ROBO2: variants seen among roughly 807,000 people sequenced by gnomAD.
The protein encoded by ROBO2 is roundabout homolog 2.
Under a neutral mutation model 160.8 loss-of-function variants are expected in ROBO2, and 53 were observed. That is an observed-to-expected ratio of 0.33 (90% confidence interval 0.26 to 0.41). The LOEUF (loss-of-function observed/expected upper bound fraction) is 0.41, where lower values mean the gene tolerates loss of function less well. Among genes scored for constraint, ROBO2 ranks in the 10% least tolerant of loss-of-function variants. The pLI, the probability that ROBO2 is intolerant of heterozygous loss-of-function variation, is 1.00. For missense variants in ROBO2, 1,577 were observed against 1,722.4 expected, an observed-to-expected ratio of 0.92 and a Z score of 1.49; for synonymous variants, 664 against 611.7, an observed-to-expected ratio of 1.09 and a Z score of -1.26.
intron 2 of ROBO2, among the ~76,000 whole-genome samples, chr3:76,573,407 CTTTG>C (rs1274999922): frequency 6.6e-6 from 1 of 151,910 alleles, no homozygotes; most frequent in Non-Finnish European, 1.5e-5. Context: ...GGAATTGCAA[CTTTG>C]TTTGATTTAC....
intron 2 of ROBO2, among the ~76,000 whole-genome samples, chr3:77,181,912 CT>C (rs2080826438): frequency 6.6e-6 from 1 of 152,064 alleles, no homozygotes; most frequent in African/African-American, 2.4e-5. Context: ...CTGTTAACAT[CT>C]CTCTTACTGG....
At chr3:75,995,500 A>G (rs2065700076) in intron 2 of ROBO2, among the ~76,000 whole-genome samples, 1 of 152,178 alleles carries the variant, frequency 6.6e-6, no homozygotes, top group Admixed American at 6.5e-5. Context: ...GAACACCAGA[A>G]TGTCTAGGCA....
chr3:76,896,032 C>T (rs1488795674), intron 2 of ROBO2, among the ~76,000 whole-genome samples: 2 of 152,182 alleles, frequency 1.3e-5, no homozygotes, highest in African/African-American at 4.8e-5. Context: ...ACCCCGGGAG[C>T]TCAGTTCTTT....
chr3:77,148,882 T>C (rs2150505752), intron 2 of ROBO2, among the ~76,000 whole-genome samples: 1 of 152,304 alleles, frequency 6.6e-6, no homozygotes, highest in East Asian at 1.9e-4. Flanking sequence ...ATAGATTGAA[T>C]CCACTCCCTC....
At chr3:77,334,985 G>C (rs2066343902) in intron 2 of ROBO2, among the ~76,000 whole-genome samples, 1 of 152,114 alleles carries the variant, frequency 6.6e-6, no homozygotes, top group South Asian at 2.1e-4. Flanking sequence ...GATACTGATT[G>C]CCCAAACTAA....
At chr3:75,947,742 G>A (rs1461364971) in intron 2 of ROBO2, among the ~76,000 whole-genome samples, 2 of 151,966 alleles carry the variant, frequency 1.3e-5, no homozygotes, top group African/African-American at 2.4e-5. Context: ...ACCTTTGGGG[G>A]CAAAAAGGAG....
intron 7 of ROBO2, among the ~76,000 whole-genome samples, chr3:77,549,838 T>C (rs1045952449): frequency 3.3e-5 from 5 of 152,014 alleles, no homozygotes; most frequent in African/African-American, 1.2e-4. Context: ...ATTGAAACTG[T>C]TTAATTACAA....
intron 1 of ROBO2, among the ~76,000 whole-genome samples, chr3:75,909,679 G>C (rs1334864408): frequency 6.6e-6 from 1 of 152,180 alleles, no homozygotes; most frequent in Non-Finnish European, 1.5e-5. Flanking sequence ...ACTTCAAGCA[G>C]TGTATGTGTG....
At chr3:75,974,381 TATC>T (rs1257288066) in intron 2 of ROBO2, among the ~76,000 whole-genome samples, 1 of 151,654 alleles carries the variant, frequency 6.6e-6, no homozygotes, top group East Asian at 2.0e-4. Flanking sequence ...TTGCAATTAT[TATC>T]AGCATAATAG....
At chr3:76,493,795 C>A (rs990115402) in intron 2 of ROBO2, among the ~76,000 whole-genome samples, 1 of 152,118 alleles carries the variant, frequency 6.6e-6, no homozygotes, top group African/African-American at 2.4e-5. Context: ...GAATGCATCT[C>A]CCCTTTCTTC....
intron 2 of ROBO2, among the ~76,000 whole-genome samples, chr3:75,968,609 T>A (rs1211830427): frequency 6.6e-6 from 1 of 151,598 alleles, no homozygotes; most frequent in African/African-American, 2.4e-5. Context: ...CTAAAAAATA[T>A]ACTTTTAGAA....
At chr3:77,141,706 AG>A (rs1408783064) in intron 2 of ROBO2, among the ~76,000 whole-genome samples, 1 of 152,214 alleles carries the variant, frequency 6.6e-6, no homozygotes, top group Non-Finnish European at 1.5e-5. Context: ...ATTAAAAAGC[AG>A]TCCAGAAAGT....
intron 6 of ROBO2, among the ~76,000 whole-genome samples, chr3:77,523,239 A>C (rs1157699583): frequency 6.6e-6 from 1 of 151,398 alleles, no homozygotes; most frequent in Admixed American, 6.6e-5. Context: ...TTTAAATGTC[A>C]TCAGTTTCAA....
chr3:76,238,134 A>T (rs1050947577), intron 2 of ROBO2, among the ~76,000 whole-genome samples: 6 of 152,170 alleles, frequency 3.9e-5, no homozygotes, highest in Non-Finnish European at 7.3e-5. Flanking sequence ...TTCTTACTGA[A>T]ATTTAAAGCC....
At chr3:76,860,939 A>G (rs1577091471) in intron 2 of ROBO2, among the ~76,000 whole-genome samples, 1 of 152,136 alleles carries the variant, frequency 6.6e-6, no homozygotes, top group Non-Finnish European at 1.5e-5. Flanking sequence ...AAAGGAAAGC[A>G]TGAGCTTTCT....
chr3:76,589,872 A>G (rs982069216), intron 2 of ROBO2, among the ~76,000 whole-genome samples: 3 of 152,156 alleles, frequency 2.0e-5, no homozygotes, highest in African/African-American at 7.2e-5. Context: ...CACATCTACA[A>G]GTTTCTTTAA....
At chr3:76,048,332 A>C (rs2067519078) in intron 2 of ROBO2, among the ~76,000 whole-genome samples, 1 of 152,316 alleles carries the variant, frequency 6.6e-6, no homozygotes, top group Non-Finnish European at 1.5e-5. Context: ...AAACAAAATT[A>C]AAATTAAACT....
chr3:76,718,329 C>G (rs1216787804), intron 2 of ROBO2, among the ~76,000 whole-genome samples: 3 of 152,156 alleles, frequency 2.0e-5, no homozygotes, highest in African/African-American at 7.2e-5. Context: ...GATAATAAAC[C>G]AGGATTCCTA....
chr3:76,419,214 T>A (rs944283856), intron 2 of ROBO2, among the ~76,000 whole-genome samples: 1 of 152,208 alleles, frequency 6.6e-6, no homozygotes, highest in Admixed American at 6.5e-5. Context: ...TTATTTGTGT[T>A]ACTTCTGGGT....
Sources: gnomAD v4.1 joint callset for allele counts (sites outside exome capture counted in the v4.1 genomes callset) on GRCh38, gnomAD v4.1.1 for gene constraint, MANE v1.5 for transcripts, NCBI Gene and HGNC (gene_info 2026-07-23, HGNC 2026-07-21) for gene names.